Variants in TMOD3 observed in about 807,000 individuals in gnomAD.
TMOD3 encodes the protein tropomodulin-3.
A neutral mutation model predicts 39.2 loss-of-function variants in TMOD3; 20 were observed. That is an observed-to-expected ratio of 0.51 (90% confidence interval 0.36 to 0.74). The LOEUF (loss-of-function observed/expected upper bound fraction) is 0.74, where lower values mean the gene tolerates loss of function less well. Ranked by LOEUF, TMOD3 falls within the 30% of genes least tolerant of loss-of-function variation. The probability of loss-of-function intolerance (pLI) is 0.00; values close to 1 mark genes in which losing one functional copy is unlikely to be tolerated. For missense variants in TMOD3, 381 were observed against 412.8 expected, an observed-to-expected ratio of 0.92 and a Z score of 0.67; for synonymous variants, 143 against 145.8, an observed-to-expected ratio of 0.98 and a Z score of 0.14.
At chr15:51,859,267 A>T in intron 1 of TMOD3, 1 of 740,030 alleles carries the variant, frequency 1.4e-6, no homozygotes, top group Non-Finnish European at 2.5e-6. Context: ...ATTGCTCGCC[A>T]GTAGATCTGT....
chr15:51,914,889 G>T lies in TMOD3; in HGVS notation c.*6079G>T, dbSNP rs1286780922. On this transcript the variant is annotated 3_prime_UTR_variant, in exon 10 of 10. Coordinates refer to ENST00000308580, the MANE Select transcript of TMOD3 (RefSeq NM_014547.5). ...TGGGACTACAGGTGCCCGCCACCACGCCTGACTAATTTTTGTATTTTCAGT... is the reference window on the plus strand; with the variant it reads ...TGGGACTACAGGTGCCCGCCACCACTCCTGACTAATTTTTGTATTTTCAGT... The T allele has an allele frequency of 6.6e-6, 1 of 151,798 alleles. No individual in the cohort carries two copies. The highest frequency in any genetic ancestry group is 1.5e-5 in the Non-Finnish European group (1 of 67,986). 9.4% of individuals were successfully genotyped at this position (151,798 alleles called of 1,614,324 possible).
intron 1 of TMOD3, among the ~76,000 whole-genome samples, chr15:51,861,689 G>A (rs2056419778): frequency 7.1e-6 from 1 of 140,764 alleles, no homozygotes; most frequent in African/African-American, 2.6e-5. Flanking sequence ...ACAAGGTCTT[G>A]CTATGTCACC....
At chr15:51,898,323 C>G (rs2056631723) in intron 7 of TMOD3, among the ~76,000 whole-genome samples, 1 of 152,210 alleles carries the variant, frequency 6.6e-6, no homozygotes, top group Admixed American at 6.5e-5. Flanking sequence ...ACTCTTTGCT[C>G]AAATGTCACC....
chr15:51,896,803 G>A (rs1248565389), intron 7 of TMOD3, among the ~76,000 whole-genome samples: 1 of 151,442 alleles, frequency 6.6e-6, no homozygotes, highest in East Asian at 1.9e-4. Context: ...TTTTCACTCT[G>A]CAGTTTATCT....
At chr15:51,899,621 C>A (rs2570221) in intron 7 of TMOD3, among the ~76,000 whole-genome samples, 7,389 of 151,396 alleles carry the variant, frequency 0.049, 414 homozygotes, top group African/African-American at 0.12. Flanking sequence ...AGCTGTGATC[C>A]TGCCACTGCA....
chr15:51,872,460 C>T (rs1420006914), intron 3 of TMOD3, among the ~76,000 whole-genome samples: 1 of 152,032 alleles, frequency 6.6e-6, no homozygotes, highest in Admixed American at 6.5e-5. Context: ...TCACTTTTCC[C>T]TTTCTTGTGA....
intron 1 of TMOD3, among the ~76,000 whole-genome samples, chr15:51,858,570 G>GT (rs1171956485): frequency 2.6e-5 from 4 of 151,856 alleles, no homozygotes; most frequent in Admixed American, 1.3e-4. Flanking sequence ...ATTTGCTTGT[G>GT]TTTTTTTTCC....
chr15:51,905,870 G>C (rs1486660891), intron 9 of TMOD3, among the ~76,000 whole-genome samples: 1 of 141,420 alleles, frequency 7.1e-6, no homozygotes, highest in African/African-American at 2.7e-5. Flanking sequence ...CGTGAACCCG[G>C]GAAGCGGAGC....
At chr15:51,851,130 T>C (rs1011791883) in intron 1 of TMOD3, among the ~76,000 whole-genome samples, 1 of 152,008 alleles carries the variant, frequency 6.6e-6, no homozygotes, top group Non-Finnish European at 1.5e-5. Flanking sequence ...TTGGTAAGGA[T>C]AAGGACTGCT....
Position 51,900,182 on chromosome 15 carries a change from A to C in TMOD3, c.763A>C (p.Lys255Gln), listed in dbSNP as rs1335698299. ...TTTTGCAGAAATGCTGAAAGTGAAC[A>C]AAACTTTGAAGAGCTTAAATGTGGA... ...TAFAEMLKVN[K>Q]TLKSLNVESN... is the part of the protein sequence containing the mutation. The change falls in exon 8 of 10, where the codon AAA becomes CAA. Residue 255 changes from lysine to glutamine, a missense_variant. By Grantham distance (53) the Lys-to-Gln change is moderately conservative (BLOSUM62 1). Coordinates refer to ENST00000308580, the MANE Select transcript of TMOD3 (RefSeq NM_014547.5). The C allele has an allele frequency of 1.2e-6, 2 of 1,614,166 alleles. No homozygotes were observed. Among genetic ancestry groups the C allele is most frequent in the Non-Finnish European group, 1.7e-6 (2 of 1,180,022 alleles).
At position 51,870,025 on chromosome 15, in the gene TMOD3, G is replaced by A. The variant is rs138398889; in HGVS notation, c.283+652G>A. ...GCACCCTCGCCTCACTGCAACCTCC[G>A]CCTCCCGGGTTTAAGCGATTCTCCT... On this transcript the variant is annotated intron_variant, in intron 3 of 9. Coordinates refer to ENST00000308580, the MANE Select transcript of TMOD3 (RefSeq NM_014547.5). 7.0e-3 allele frequency among the ~76,000 whole-genome samples: 1,068 copies of A among 152,132 alleles called. 10 individuals are homozygous for A. The highest frequency in any genetic ancestry group is 0.017 in the African/African-American group (718 of 41,520).
At chr15:51,868,560 TATGTA>T (rs2056459083) in intron 2 of TMOD3, among the ~76,000 whole-genome samples, 2 of 152,330 alleles carry the variant, frequency 1.3e-5, no homozygotes, top group South Asian at 2.1e-4. Context: ...GACTCCCACT[TATGTA>T]AGTAAGAAGA....
chr15:51,893,792 G>C, intron 5 of TMOD3, 23 bp from the exon 6 acceptor site: 1 of 1,484,218 alleles, frequency 6.7e-7, no homozygotes, highest in Non-Finnish European at 9.0e-7. Flanking sequence ...ATCAAATCCT[G>C]CTCTTTTCAT....
chr15:51,908,874 C>T lies in TMOD3; in HGVS notation c.*64C>T. On this transcript the variant is annotated 3_prime_UTR_variant, in exon 10 of 10. Coordinates refer to ENST00000308580, the MANE Select transcript of TMOD3 (RefSeq NM_014547.5). The stretch of plus-strand genomic sequence containing the variant: ...CACCAAGGGCTCATGTTGGTGACAT[C>T]ATGTAAAATTTTCCTGGGTAGAAGG... 1 of 1,414,140 alleles carries T rather than the reference C, an allele frequency of 7.1e-7. No individual in the cohort carries two copies. 87.6% of individuals were successfully genotyped at this position (1,414,140 alleles called of 1,614,324 possible). A position where few individuals can be genotyped will look rare whatever the true frequency, so the allele number is the denominator to read the frequency against.
intron 1 of TMOD3, chr15:51,859,280 G>A: frequency 1.4e-6 from 1 of 736,356 alleles, no homozygotes; most frequent in Non-Finnish European, 2.6e-6. Context: ...AGATCTGTCT[G>A]CAGTTTTCAG....
At chr15:51,836,102 A>G (rs2056281499) in intron 1 of TMOD3, among the ~76,000 whole-genome samples, 1 of 152,152 alleles carries the variant, frequency 6.6e-6, no homozygotes, top group African/African-American at 2.4e-5. Context: ...TTCCTTATTC[A>G]TTCCTTCCCC....
intron 2 of TMOD3, among the ~76,000 whole-genome samples, chr15:51,866,511 AAAAG>A (rs2056447802): frequency 2.6e-5 from 4 of 152,096 alleles, no homozygotes; most frequent in Admixed American, 2.6e-4. Flanking sequence ...AGCCAGACCA[AAAAG>A]AAAGAAAGAA....
intron 7 of TMOD3, among the ~76,000 whole-genome samples, chr15:51,899,769 A>T (rs1467906709): frequency 1.3e-5 from 2 of 152,222 alleles, no homozygotes; most frequent in Non-Finnish European, 2.9e-5. Flanking sequence ...CCAAAAGCAA[A>T]ATCTGAATTT....
At chr15:51,859,012 T>C (rs1178360428) in intron 1 of TMOD3, among the ~76,000 whole-genome samples, 3 of 152,194 alleles carry the variant, frequency 2.0e-5, no homozygotes, top group African/African-American at 7.2e-5. Context: ...ATAAAATCTT[T>C]TTTTAAATTT....
Sources: allele counts gnomAD v4.1 joint callset (sites outside exome capture counted in the v4.1 genomes callset), GRCh38; gene constraint gnomAD v4.1.1; transcripts MANE v1.5; gene names NCBI Gene and HGNC (gene_info 2026-07-23, HGNC 2026-07-21).